TRIM24: variants seen among roughly 807,000 people sequenced by gnomAD.
The protein encoded by TRIM24 is tripartite motif containing 24, also known as transcription intermediary factor 1-alpha.
TRIM24 carries 29 observed loss-of-function variants against 123.9 expected under a neutral mutation model. The observed-to-expected ratio is 0.23, with a 90% CI of 0.17 to 0.32. The LOEUF is 0.32. Ranked by LOEUF, TRIM24 falls within the 10% of genes least tolerant of loss-of-function variation. The probability of loss-of-function intolerance (pLI) is 1.00; values close to 1 mark genes in which losing one functional copy is unlikely to be tolerated. For synonymous variants in TRIM24, 456 were observed against 461.1 expected (o/e 0.99, Z 0.14); for missense variants, 932 against 1,295.3 (o/e 0.72, Z 4.31).
chr7:138,491,580 A>C (rs1795782156), intron 1 of TRIM24, among the ~76,000 whole-genome samples: 1 of 152,154 alleles, frequency 6.6e-6, no homozygotes, highest in African/African-American at 2.4e-5. Context: ...TTACACATTG[A>C]TCTTTTAGTG....
At chr7:138,482,898 C>G (rs575867018) in intron 1 of TRIM24, among the ~76,000 whole-genome samples, 79 of 152,126 alleles carry the variant, frequency 5.2e-4, no homozygotes, top group African/African-American at 1.8e-3. Flanking sequence ...GTGCCTGGCC[C>G]AAATATGTTT....
chr7:138,510,582 T>C (rs1026400941), intron 2 of TRIM24, among the ~76,000 whole-genome samples: 6 of 152,126 alleles, frequency 3.9e-5, no homozygotes, highest in African/African-American at 1.4e-4. Context: ...CTGCCACATC[T>C]GGCTAATTTT....
At chr7:138,560,784 A>T (rs539263857) in intron 9 of TRIM24, among the ~76,000 whole-genome samples, 9 of 152,306 alleles carry the variant, frequency 5.9e-5, no homozygotes, top group Admixed American at 4.6e-4. Flanking sequence ...TGTTTGGCAC[A>T]CCAGGCCCTT....
intron 9 of TRIM24, among the ~76,000 whole-genome samples, chr7:138,558,338 G>A (rs985451146): frequency 1.3e-5 from 2 of 152,174 alleles, no homozygotes; most frequent in African/African-American, 4.8e-5. Context: ...GTTGGTAAAG[G>A]CCTTTCCCCA....
intron 1 of TRIM24, among the ~76,000 whole-genome samples, chr7:138,496,342 A>G (rs890742209): frequency 6.6e-6 from 1 of 151,972 alleles, no homozygotes; most frequent in Non-Finnish European, 1.5e-5. Context: ...TTTTTTTGGG[A>G]ATGCTTTAGG....
At chr7:138,561,585 T>C (rs10231698) in intron 9 of TRIM24, among the ~76,000 whole-genome samples, 2,780 of 152,266 alleles carry the variant, frequency 0.018, 70 homozygotes, top group African/African-American at 0.061. Context: ...CTTCCTGTGC[T>C]AATAGGGCTG....
chr7:138,538,554 G>A, intron 6 of TRIM24, 103 bp from the exon 7 acceptor site: 2 of 1,236,016 alleles, frequency 1.6e-6, no homozygotes, highest in Non-Finnish European at 2.3e-6. Flanking sequence ...AGTAAATTGA[G>A]TAATTAGAGA....
rs1239084633 is a variant in TRIM24 at position 138,519,274 on chromosome 7, C to A, written c.717C>A (p.Asp239Glu). ...EQLKLYCETC[D>E]KLTCRDCQLL... ...TGAAGCTGTACTGTGAGACATGTGACAAACTGACATGTCGAGACTGTCAGT... is the reference window on the plus strand; with the variant it reads ...TGAAGCTGTACTGTGAGACATGTGAAAAACTGACATGTCGAGACTGTCAGT... The change falls in exon 4 of 19, where the codon GAC (aspartate) becomes GAA (glutamate). Residue 239 changes from aspartate to glutamate, a missense_variant. Asp to Glu is a conservative substitution (Grantham distance 45). Coordinates refer to ENST00000343526, the MANE Select transcript of TRIM24 (RefSeq NM_015905.3). 3.7e-6 allele frequency: 6 copies of A among 1,613,710 alleles called. No homozygotes were observed. The highest frequency in any genetic ancestry group is 4.2e-6 in the Non-Finnish European group (5 of 1,179,874).
At chr7:138,475,467 A>C (rs1231024958) in intron 1 of TRIM24, among the ~76,000 whole-genome samples, 1 of 152,220 alleles carries the variant, frequency 6.6e-6, no homozygotes, top group Non-Finnish European at 1.5e-5. Flanking sequence ...CTGGCCTATT[A>C]AGAGAAAAAA....
At chr7:138,502,846 T>C (rs981741036) in intron 1 of TRIM24, among the ~76,000 whole-genome samples, 2 of 152,228 alleles carry the variant, frequency 1.3e-5, no homozygotes, top group Non-Finnish European at 1.5e-5. Flanking sequence ...TCACTAGCTG[T>C]AGTTCTGTAA....
At chr7:138,465,681 T>C (rs958681550) in intron 1 of TRIM24, among the ~76,000 whole-genome samples, 2 of 152,170 alleles carry the variant, frequency 1.3e-5, no homozygotes, top group African/African-American at 2.4e-5. Flanking sequence ...CAATCTTTAA[T>C]GGCAAAGGAT....
At chr7:138,577,394 C>T in intron 13 of TRIM24, 26 bp from the exon 14 acceptor site, 1 of 1,479,344 alleles carries the variant, frequency 6.8e-7, no homozygotes, top group African/African-American at 1.5e-5. Flanking sequence ...TCTTAGATTG[C>T]TTTTTCTTCT....
intron 9 of TRIM24, among the ~76,000 whole-genome samples, chr7:138,561,965 T>G (rs1157842137): frequency 6.6e-6 from 1 of 152,014 alleles, no homozygotes; most frequent in East Asian, 1.9e-4. Flanking sequence ...TCGCTGGGTG[T>G]TTGGAGTGGG....
chr7:138,588,248 G>T lies in TRIM24; in HGVS notation c.*3297G>T, dbSNP rs950646332. The T allele has an allele frequency of 1.3e-5, 2 of 152,184 alleles. No homozygotes were observed. The highest frequency in any genetic ancestry group is 2.9e-5 in the Non-Finnish European group (2 of 68,030). 9.4% of individuals were successfully genotyped at this position (152,184 alleles called of 1,614,324 possible). A position where few individuals can be genotyped will look rare whatever the true frequency, so the allele number is the denominator to read the frequency against. On this transcript the variant is annotated 3_prime_UTR_variant, in exon 19 of 19. Transcript: ENST00000343526. ...GTTCCAAGGAGAGAGAGTGAGAAGAGGAACTCCTTTTGCTGAGCTCTGGTC... is the reference window on the plus strand; with the variant it reads ...GTTCCAAGGAGAGAGAGTGAGAAGATGAACTCCTTTTGCTGAGCTCTGGTC...
intron 2 of TRIM24, among the ~76,000 whole-genome samples, chr7:138,507,290 C>T (rs937227731): frequency 2.0e-5 from 3 of 152,020 alleles, no homozygotes; most frequent in Non-Finnish European, 4.4e-5. Flanking sequence ...TGTGCATACT[C>T]TGATACTACA....
chr7:138,583,511 G>A (rs79326622), intron 17 of TRIM24, among the ~76,000 whole-genome samples: 10 of 152,094 alleles, frequency 6.6e-5, no homozygotes, highest in South Asian at 2.1e-4. Flanking sequence ...CCCCAGCTAC[G>A]CGAGAGGCTG....
chr7:138,578,516 G>T (rs1370601603), intron 14 of TRIM24, among the ~76,000 whole-genome samples: 1 of 144,350 alleles, frequency 6.9e-6, no homozygotes, highest in African/African-American at 2.6e-5. Context: ...TGGGGTGAAT[G>T]GTGGTGGTGG....
Position 138,577,473 on chromosome 7 carries a change from T to C in TRIM24, c.2141T>C (p.Val714Ala). Residue 714 changes from valine to alanine, a missense_variant, in exon 14 of 19, where the codon GTG becomes GCG. By Grantham distance (64) the Val-to-Ala change is moderately conservative. This residue lies in a region of TRIM24 where 527 missense variants were observed against 691.3 expected (regional missense o/e 0.76). Coordinates refer to ENST00000343526, the MANE Select transcript of TRIM24 (RefSeq NM_015905.3). ...AGADSTHKVP[V>A]VMLEPIRIKQ... ...GCTGACTCTACACACAAAGTCCCAG[T>C]GGTCATGCTGGAGCCAATTCGAATA... is the stretch of plus-strand genomic sequence containing the variant. 1 of 1,606,958 alleles carries C rather than the reference T, an allele frequency of 6.2e-7. No individual in the cohort carries two copies. Among genetic ancestry groups the C allele is most frequent in the Non-Finnish European group, 8.5e-7 (1 of 1,177,040 alleles).
intron 7 of TRIM24, among the ~76,000 whole-genome samples, chr7:138,550,019 G>T (rs1797178148): frequency 6.6e-6 from 1 of 152,164 alleles, no homozygotes; most frequent in South Asian, 2.1e-4. Flanking sequence ...GATTAAGAAT[G>T]GGGGAGGAAA....
Sources: allele counts gnomAD v4.1 joint callset (sites outside exome capture counted in the v4.1 genomes callset), GRCh38; gene constraint gnomAD v4.1.1; regional missense constraint gnomAD v4.1.1; transcripts MANE v1.5; gene names NCBI Gene and HGNC (gene_info 2026-07-23, HGNC 2026-07-21).